KLF17: variants seen among roughly 807,000 people sequenced by gnomAD.
The protein encoded by KLF17 is Krueppel-like factor 17.
Under a neutral mutation model 34.2 loss-of-function variants are expected in KLF17, and 31 were observed. That is an observed-to-expected ratio of 0.91 (90% CI 0.68 to 1.22). The LOEUF (loss-of-function observed/expected upper bound fraction) is 1.22, where lower values mean the gene tolerates loss of function less well. KLF17 is among the 50% of genes most tolerant of loss of function. The pLI is 0.00. For missense variants in KLF17, 478 were observed against 505.2 expected, an observed-to-expected ratio of 0.95 and a Z score of 0.52; for synonymous variants, 179 against 186.7, an observed-to-expected ratio of 0.96 and a Z score of 0.34.
chr1:44,127,027 G>T lies in KLF17; in HGVS notation c.82-2326G>T, dbSNP rs146812414. ...CCTTTCCACTTCAGCCTCCTGAGTG[G>T]CTGGGACCACAGGCGCATGCTACCA... On this transcript the variant is annotated intron_variant, in intron 1 of 3. Coordinates refer to ENST00000372299, the MANE Select transcript of KLF17 (RefSeq NM_173484.4). Among the ~76,000 whole-genome samples, 28 of 151,032 alleles carry T rather than the reference G, an allele frequency of 1.9e-4. No individual in the cohort carries two copies. The East Asian group carries it at 4.7e-3, about 25-fold the overall frequency.
At chr1:44,069,198 TG>T in the KLF17 span, among the ~76,000 whole-genome samples, 1 of 151,842 alleles carries the variant, frequency 6.6e-6, no homozygotes, top group Non-Finnish European at 1.5e-5. The surrounding 1 kb of genome is among the most constrained non-coding windows in gnomAD (Gnocchi z 4.7). Flanking sequence ...AGGATAGGGG[TG>T]GGGGTTCAGC....
rs1389288063 is a variant in KLF17, at chr1:44,129,382, C to G, written c.111C>G (p.Asn37Lys). ...ACGAGAACTCAGCGCCCATCTTGAA[C>G]ATGTCTTCATCTTCTGGAAGCTCTG... ...QDNENSAPIL[N>K]MSSSSGSSGV... is the part of the protein sequence containing the mutation. The change falls in exon 2 of 4, where the codon AAC becomes AAG. Residue 37 changes from asparagine (N) to lysine (K), a missense_variant. Coordinates refer to ENST00000372299, the MANE Select transcript of KLF17 (RefSeq NM_173484.4). 5.3e-6 allele frequency: 8 copies of G among 1,520,014 alleles called. No homozygotes were observed. The highest frequency in any genetic ancestry group is 7.1e-6 in the Non-Finnish European group (8 of 1,134,480). The allele number at this position is 1,520,014 out of a possible 1,614,324, so 94.2% of individuals were successfully genotyped here. A position where few individuals can be genotyped will look rare whatever the true frequency, so the allele number is the denominator to read the frequency against.
upstream of KLF17, chr1:44,114,937 G>T (rs536812741): frequency 2.3e-4 from 35 of 152,274 alleles, no homozygotes; most frequent in Admixed American, 7.9e-4. Context: ...TTTGGAGAAT[G>T]CTTGGTTATA....
the KLF17 span, among the ~76,000 whole-genome samples, chr1:44,071,905 T>C: frequency 2.0e-4 from 30 of 152,012 alleles, no homozygotes; most frequent in African/African-American, 6.5e-4. Context: ...TACCTGGAGC[T>C]TCCCCTCCAC....
At chr1:44,093,629 A>G in the KLF17 span, among the ~76,000 whole-genome samples, 113 of 152,314 alleles carry the variant, frequency 7.4e-4, 2 homozygotes, top group East Asian at 0.016. Flanking sequence ...TCCTGGCTTC[A>G]AGTGATCCAC....
the KLF17 span, among the ~76,000 whole-genome samples, chr1:44,079,781 C>T: frequency 6.6e-6 from 1 of 152,108 alleles, no homozygotes; most frequent in African/African-American, 2.4e-5. Context: ...TGTCTGAGTG[C>T]CATGTTTTGG....
At chr1:44,095,523 C>CT in the KLF17 span, among the ~76,000 whole-genome samples, 2 of 151,814 alleles carry the variant, frequency 1.3e-5, no homozygotes, top group African/African-American at 4.8e-5. Flanking sequence ...CCTTTTATAT[C>CT]TTTTTTTTAA....
At chr1:44,102,384 C>A in the KLF17 span, among the ~76,000 whole-genome samples, 1 of 151,878 alleles carries the variant, frequency 6.6e-6, no homozygotes, top group African/African-American at 2.4e-5. Context: ...GAAACCCTGT[C>A]TCTACTAAAA....
the KLF17 span, among the ~76,000 whole-genome samples, chr1:44,050,475 C>A: frequency 1.3e-5 from 2 of 152,202 alleles, no homozygotes. Flanking sequence ...TTTGCATAAT[C>A]CACCCCTAAT....
the KLF17 span, chr1:44,103,397 G>A: frequency 2.6e-6 from 2 of 764,914 alleles, no homozygotes; most frequent in South Asian, 1.4e-5. Flanking sequence ...CCACGGCCCT[G>A]GTGGAGCTGG....
the KLF17 span, chr1:44,104,133 AG>A: frequency 9.6e-7 from 1 of 1,044,016 alleles, no homozygotes; most frequent in African/African-American, 1.6e-5. Flanking sequence ...CAGCCCTTCC[AG>A]GCCAGACTCC....
At chr1:44,051,257 G>A in the KLF17 span, 1 of 152,278 alleles carries the variant, frequency 6.6e-6, no homozygotes. Flanking sequence ...ACTAACCAAA[G>A]GCTCTTTTTA....
intron 1 of KLF17, chr1:44,122,080 C>T (rs1170874517): frequency 2.2e-6 from 2 of 911,914 alleles, no homozygotes; most frequent in Non-Finnish European, 1.8e-6. Flanking sequence ...TTATTAAAAA[C>T]TGACATAAAC....
the KLF17 span, among the ~76,000 whole-genome samples, chr1:44,109,352 T>C: frequency 1.3e-5 from 2 of 152,188 alleles, no homozygotes; most frequent in Non-Finnish European, 2.9e-5. Flanking sequence ...CCTAATACTT[T>C]AAATGGGATA....
At chr1:44,098,810 A>G in the KLF17 span, among the ~76,000 whole-genome samples, 1 of 151,956 alleles carries the variant, frequency 6.6e-6, no homozygotes, top group Admixed American at 6.6e-5. Context: ...TCGGCCTCCC[A>G]AAGTGCTGGG....
At chr1:44,076,212 A>T in the KLF17 span, 11 of 152,224 alleles carry the variant, frequency 7.2e-5, no homozygotes, top group Admixed American at 7.2e-4. Flanking sequence ...ATGTGATGCA[A>T]ACCTTGACTA....
At chr1:44,132,438 G>A (rs2088122666) in intron 3 of KLF17, among the ~76,000 whole-genome samples, 1 of 152,088 alleles carries the variant, frequency 6.6e-6, no homozygotes, top group East Asian at 1.9e-4. Flanking sequence ...CATCAATGGG[G>A]AGGCCTCCCA....
chr1:44,108,240 C>G, the KLF17 span, among the ~76,000 whole-genome samples: 2 of 152,206 alleles, frequency 1.3e-5, no homozygotes, highest in African/African-American at 4.8e-5. Context: ...AAGCTCTGTC[C>G]AGATGCCTTC....
the KLF17 span, among the ~76,000 whole-genome samples, chr1:44,073,503 G>T: frequency 2.0e-5 from 3 of 152,058 alleles, no homozygotes; most frequent in Non-Finnish European, 4.4e-5. Context: ...ACTATGCCTG[G>T]CCCATGACAG....
Sources: gnomAD v4.1 joint callset for allele counts (sites outside exome capture counted in the v4.1 genomes callset) on GRCh38, gnomAD v4.1.1 for gene constraint, Gnocchi (gnomAD v3.1) non-coding constraint, MANE v1.5 for transcripts, NCBI Gene and HGNC (gene_info 2026-07-23, HGNC 2026-07-21) for gene names.